SOX5: variants seen among roughly 807,000 people sequenced by gnomAD.
SOX5 encodes the protein SRY-box transcription factor 5.
Under a neutral mutation model 92.0 loss-of-function variants are expected in SOX5, and 9 were observed. The ratio of observed to expected loss-of-function variants is 0.10; its 90% confidence interval spans 0.06 to 0.17. The LOEUF (loss-of-function observed/expected upper bound fraction) is 0.17. SOX5 is among the 10% of genes least tolerant of loss of function. The pLI is 1.00. For missense variants in SOX5, 642 were observed against 944.5 expected (o/e 0.68, Z 4.20); for synonymous variants, 344 against 336.3 (o/e 1.02, Z -0.25).
chr12:23,740,289 T>C (rs905615237), intron 5 of SOX5, among the ~76,000 whole-genome samples: 4 of 152,248 alleles, frequency 2.6e-5, no homozygotes, highest in Non-Finnish European at 5.9e-5. Flanking sequence ...TCCCTATTAC[T>C]AGGCTCAACT....
intron 1 of SOX5, among the ~76,000 whole-genome samples, chr12:24,436,396 T>G (rs1484479247): frequency 1.3e-5 from 2 of 152,180 alleles, no homozygotes; most frequent in South Asian, 2.1e-4. Flanking sequence ...AGGAGAAAGT[T>G]TGAGTGGTCC....
intron 6 of SOX5, among the ~76,000 whole-genome samples, chr12:23,707,559 G>T (rs959093745): frequency 6.6e-6 from 1 of 152,034 alleles, no homozygotes; most frequent in Non-Finnish European, 1.5e-5. Flanking sequence ...AGAGAGCAAC[G>T]ATTATGTGCT....
chr12:23,923,371 A>T (rs1939029290), intron 1 of SOX5, among the ~76,000 whole-genome samples: 1 of 152,228 alleles, frequency 6.6e-6, no homozygotes, highest in East Asian at 1.9e-4. Context: ...TAAAAGAAAT[A>T]TAGAATGATA....
chr12:23,581,177 C>A (rs138508269), intron 9 of SOX5, among the ~76,000 whole-genome samples: 2 of 152,078 alleles, frequency 1.3e-5, no homozygotes, highest in East Asian at 3.9e-4. Flanking sequence ...CACTCCTTAG[C>A]TTTTCAAGTC....
intron 1 of SOX5, among the ~76,000 whole-genome samples, chr12:24,452,264 A>G (rs1481105605): frequency 6.6e-6 from 1 of 152,206 alleles, no homozygotes; most frequent in Non-Finnish European, 1.5e-5. Flanking sequence ...ATCTCTTCAG[A>G]AAGAGTAGCT....
intron 4 of SOX5, among the ~76,000 whole-genome samples, chr12:23,983,397 C>A (rs1206754747): frequency 1.3e-5 from 2 of 152,108 alleles, no homozygotes; most frequent in African/African-American, 4.8e-5. Context: ...AACACTGTGC[C>A]ATTCTGTATA....
chr12:24,545,467 C>T (rs1952533480), intron 1 of SOX5, among the ~76,000 whole-genome samples: 2 of 151,682 alleles, frequency 1.3e-5, no homozygotes, highest in African/African-American at 4.8e-5. Flanking sequence ...TAAATTGACC[C>T]TCATAAAATG....
At chr12:24,307,498 GA>G (rs1948714927) in intron 2 of SOX5, among the ~76,000 whole-genome samples, 1 of 36,406 alleles carries the variant, frequency 2.7e-5, no homozygotes, top group African/African-American at 4.8e-5. Context: ...AGGAAGGAAG[GA>G]AGGAAGGAAG....
At chr12:24,067,856 C>G (rs1346106893) in intron 4 of SOX5, among the ~76,000 whole-genome samples, 1 of 152,138 alleles carries the variant, frequency 6.6e-6, no homozygotes, top group African/African-American at 2.4e-5. Flanking sequence ...TAAAAAACTT[C>G]AAGGGAGGCC....
At chr12:23,941,888 A>T (rs1159334877) in intron 1 of SOX5, among the ~76,000 whole-genome samples, 1 of 151,402 alleles carries the variant, frequency 6.6e-6, no homozygotes, top group Non-Finnish European at 1.5e-5. Flanking sequence ...ATTATATGTG[A>T]CATCCCCCTG....
intron 10 of SOX5, among the ~76,000 whole-genome samples, chr12:23,567,178 A>G (rs1203045934): frequency 6.6e-6 from 1 of 152,214 alleles, no homozygotes; most frequent in Middle Eastern, 3.2e-3. Flanking sequence ...GCGTCAGACC[A>G]TAAAGGCCAA....
At chr12:24,092,837 C>A (rs374966356) in intron 4 of SOX5, among the ~76,000 whole-genome samples, 3 of 152,112 alleles carry the variant, frequency 2.0e-5, no homozygotes, top group African/African-American at 7.2e-5. Context: ...TTGCTTTAGA[C>A]CAATAAATAA....
intron 1 of SOX5, chr12:23,920,603 T>G (rs1427193621): frequency 6.6e-6 from 1 of 152,216 alleles, no homozygotes; most frequent in Non-Finnish European, 1.5e-5. Flanking sequence ...CCATGAATCT[T>G]CTCATGAAGA....
intron 1 of SOX5, among the ~76,000 whole-genome samples, chr12:24,465,886 C>G (rs762090074): frequency 1.3e-5 from 2 of 152,166 alleles, no homozygotes; most frequent in Non-Finnish European, 2.9e-5. Context: ...CTATTGCAGA[C>G]ACGAGGGCTG....
chr12:24,081,274 T>C (rs981162150), intron 4 of SOX5, among the ~76,000 whole-genome samples: 3 of 151,998 alleles, frequency 2.0e-5, no homozygotes, highest in Admixed American at 1.3e-4. Context: ...CTGACTTCAT[T>C]TGATTTACTC....
chr12:24,246,311 G>A (rs1938701989), intron 3 of SOX5, among the ~76,000 whole-genome samples: 1 of 149,266 alleles, frequency 6.7e-6, no homozygotes, highest in African/African-American at 2.5e-5. Flanking sequence ...ATTGTTGGAA[G>A]TAAAAGATTT....
chr12:24,395,670 T>C (rs1959737827), intron 1 of SOX5, among the ~76,000 whole-genome samples: 1 of 152,196 alleles, frequency 6.6e-6, no homozygotes, highest in Admixed American at 6.5e-5. Context: ...CAATAAAGCA[T>C]AGCCAGGGTT....
intron 2 of SOX5, among the ~76,000 whole-genome samples, chr12:24,339,776 C>T (rs1203178096): frequency 2.0e-5 from 3 of 152,190 alleles, no homozygotes; most frequent in African/African-American, 2.4e-5. Flanking sequence ...GAGGTTCTGG[C>T]GTGTGCCACA....
chr12:24,560,307 C>A (rs898677836), intron 1 of SOX5, among the ~76,000 whole-genome samples: 2 of 152,196 alleles, frequency 1.3e-5, no homozygotes, highest in Non-Finnish European at 2.9e-5. Flanking sequence ...GATGAAAGAT[C>A]TACCTTTTAG....
Sources: allele counts gnomAD v4.1 joint callset (sites outside exome capture counted in the v4.1 genomes callset), GRCh38; gene constraint gnomAD v4.1.1; transcripts MANE v1.5; gene names NCBI Gene and HGNC (gene_info 2026-07-23, HGNC 2026-07-21).